The following GARNL3 variants were observed in gnomAD, a reference collection of about 807,000 sequenced individuals.
The protein encoded by GARNL3 is GTPase activating Rap/RanGAP domain like 3.
Under a neutral mutation model 125.0 loss-of-function variants are expected in GARNL3, and 63 were observed. The observed-to-expected ratio is 0.50, with a 90% CI of 0.41 to 0.62. GARNL3 has a LOEUF of 0.62. Among genes scored for constraint, GARNL3 ranks in the 20% least tolerant of loss-of-function variants. GARNL3 has a pLI of 0.00. For missense variants in GARNL3, 994 were observed against 1,244.0 expected (o/e 0.80, Z 3.02); for synonymous variants, 439 against 457.5 (o/e 0.96, Z 0.52).
chr9:127,317,044 A>G (rs1206526684), intron 4 of GARNL3, among the ~76,000 whole-genome samples: 1 of 152,220 alleles, frequency 6.6e-6, no homozygotes, highest in Non-Finnish European at 1.5e-5. Flanking sequence ...CCCTTTTGCT[A>G]ACTGTGTAGT....
At chr9:127,378,054 A>C (rs1167818807) in intron 22 of GARNL3, among the ~76,000 whole-genome samples, 2 of 151,994 alleles carry the variant, frequency 1.3e-5, no homozygotes, top group African/African-American at 4.8e-5. Flanking sequence ...CAGTCTGGCC[A>C]ACATGGTAAA....
At chr9:127,371,489 G>A (rs1424546940) in intron 22 of GARNL3, among the ~76,000 whole-genome samples, 1 of 152,210 alleles carries the variant, frequency 6.6e-6, no homozygotes, top group Non-Finnish European at 1.5e-5. Flanking sequence ...TCACAGTGTT[G>A]GGTGACAACG....
intron 1 of GARNL3, among the ~76,000 whole-genome samples, chr9:127,226,913 T>C (rs1157129160): frequency 4.6e-5 from 7 of 152,234 alleles, no homozygotes; most frequent in Admixed American, 4.6e-4. Flanking sequence ...AGGCCTGAAG[T>C]GGAATGCATG....
At chr9:127,374,966 C>A (rs1831817845) in intron 22 of GARNL3, among the ~76,000 whole-genome samples, 2 of 150,942 alleles carry the variant, frequency 1.3e-5, no homozygotes, top group Middle Eastern at 3.4e-3. Flanking sequence ...AATGAGATAC[C>A]ACCACACAAC....
intron 6 of GARNL3, among the ~76,000 whole-genome samples, chr9:127,321,378 A>C (rs570669052): frequency 6.6e-6 from 1 of 152,168 alleles, no homozygotes; most frequent in Non-Finnish European, 1.5e-5. Context: ...CAGGCTCCCA[A>C]AGGTGCTGAG....
At position 127,335,420 on chromosome 9, in the gene GARNL3, G is replaced by T. The variant is rs967019783; in HGVS notation, c.873+87G>T. ...TTCCATAGAATTAGGGGCTATGCCG[G>T]TTAACATATGAGCTGAGCTGTGGCC... On this transcript the variant is annotated intron_variant, in intron 10 of 27. Coordinates refer to ENST00000373387, the MANE Select transcript of GARNL3 (RefSeq NM_032293.5). 18 of 1,068,206 alleles carry T rather than the reference G, an allele frequency of 1.7e-5. No homozygotes were observed. In the African/African-American group the frequency reaches 2.2e-4, roughly 13 times the overall value. The allele number at this position is 1,068,206 out of a possible 1,614,324, so 66.2% of individuals were successfully genotyped here. A position where few individuals can be genotyped will look rare whatever the true frequency, so the allele number is the denominator to read the frequency against.
chr9:127,332,377 GC>G lies in GARNL3; in HGVS notation c.670+30del, dbSNP rs1422497022. 1.9e-6 allele frequency: 3 copies of G among 1,562,862 alleles called. No individual in the cohort carries two copies. The Admixed American group carries it at 5.0e-5, about 26-fold the overall frequency. The stretch of plus-strand genomic sequence containing the variant: ...GAGTGATCTCCTCCCGCTCTCTGCT[GC>G]CAGAGACCCTGTCCTGCCTTGTTGC... On this transcript the variant is annotated intron_variant, in intron 8 of 27. Coordinates refer to ENST00000373387, the MANE Select transcript of GARNL3 (RefSeq NM_032293.5).
At chr9:127,335,428 A>ATGAGC in intron 10 of GARNL3, 95 bp downstream of exon 10, 1 of 1,018,420 alleles carries the variant, frequency 9.8e-7, no homozygotes, top group Non-Finnish European at 1.5e-6. Flanking sequence ...CGGTTAACAT[A>ATGAGC]TGAGCTGAGC....
At chr9:127,317,200 T>C (rs1289553330) in intron 4 of GARNL3, among the ~76,000 whole-genome samples, 1 of 152,158 alleles carries the variant, frequency 6.6e-6, no homozygotes, top group Admixed American at 6.5e-5. Context: ...AATATATTCA[T>C]TGAGTATTCC....
At chr9:127,264,695 A>G (rs1270829632), upstream of GARNL3, 1 of 1,223,362 alleles carries the variant, frequency 8.2e-7, no homozygotes, top group Non-Finnish European at 1.0e-6. Flanking sequence ...CCAAATGACT[A>G]AATATTTAAT....
chr9:127,247,257 C>T (rs1427848112), intron 2 of GARNL3, among the ~76,000 whole-genome samples: 1 of 152,126 alleles, frequency 6.6e-6, no homozygotes, highest in African/African-American at 2.4e-5. Context: ...CTGAAGAGCC[C>T]AGTTACGGGC....
At chr9:127,300,385 C>T in intron 2 of GARNL3, 1 of 340,286 alleles carries the variant, frequency 2.9e-6, no homozygotes, top group South Asian at 2.5e-5. Context: ...TGACCCCTTT[C>T]ACCTCTCTTT....
intron 22 of GARNL3, among the ~76,000 whole-genome samples, chr9:127,379,213 A>C (rs1040213771): frequency 6.6e-6 from 1 of 152,216 alleles, no homozygotes; most frequent in Non-Finnish European, 1.5e-5. Context: ...GCTCATTCCA[A>C]TGGAAAGTCC....
Position 127,389,067 on chromosome 9 carries a change from G to C in GARNL3, c.2691G>C (p.Leu897=). The C allele has an allele frequency of 6.2e-7, 1 of 1,614,146 alleles. No individual in the cohort carries two copies. Among genetic ancestry groups the C allele is most frequent in the Non-Finnish European group, 8.5e-7 (1 of 1,180,020 alleles). The change falls in exon 26 of 28, where the codon CTG becomes CTC. Residue 897 remains leucine, a synonymous_variant. Transcript: ENST00000373387. ...TTCCAGTCACGCACTCCTTGTCCCTGTCTCGCATGGAGATCAAAGAAATAG... is the reference window on the plus strand; with the variant it reads ...TTCCAGTCACGCACTCCTTGTCCCTCTCTCGCATGGAGATCAAAGAAATAG... ...AAIPVTHSLS[L]SRMEIKEIAS...
chr9:127,279,012 G>A (rs891283067), intron 1 of GARNL3, among the ~76,000 whole-genome samples: 9 of 152,182 alleles, frequency 5.9e-5, no homozygotes, highest in Non-Finnish European at 1.2e-4. Context: ...AATTACATCT[G>A]CAAAGACCCC....
chr9:127,250,853 C>T (rs2063389500), intron 2 of GARNL3, among the ~76,000 whole-genome samples: 1 of 152,080 alleles, frequency 6.6e-6, no homozygotes, highest in South Asian at 2.1e-4. Flanking sequence ...GGTCTCGCTC[C>T]CTGCCAGGAC....
intron 1 of GARNL3, among the ~76,000 whole-genome samples, chr9:127,286,652 T>C (rs1032980287): frequency 6.6e-6 from 1 of 152,238 alleles, no homozygotes; most frequent in Non-Finnish European, 1.5e-5. Flanking sequence ...GAAAGCTGAT[T>C]ATAGATTGTC....
At chr9:127,334,084 T>C (rs1470333467) in intron 9 of GARNL3, among the ~76,000 whole-genome samples, 1 of 152,108 alleles carries the variant, frequency 6.6e-6, no homozygotes, top group Non-Finnish European at 1.5e-5. Flanking sequence ...GAGACAGTAC[T>C]TGAAGACACT....
chr9:127,388,362 C>T (rs1832660200), intron 25 of GARNL3: 1 of 153,566 alleles, frequency 6.5e-6, no homozygotes, highest in African/African-American at 2.4e-5. Context: ...GAGTTAAAGG[C>T]TATAGAGTTT....
Sources: allele counts gnomAD v4.1 joint callset (sites outside exome capture counted in the v4.1 genomes callset), GRCh38; gene constraint gnomAD v4.1.1; transcripts MANE v1.5; gene names NCBI Gene and HGNC (gene_info 2026-07-23, HGNC 2026-07-21).